Variants in JAG2 observed in about 807,000 individuals in gnomAD.
The protein encoded by JAG2 is protein jagged-2.
A neutral mutation model predicts 141.7 loss-of-function variants in JAG2; 46 were observed. The ratio of observed to expected loss-of-function variants is 0.32; its 90% CI spans 0.26 to 0.42. JAG2 has a LOEUF of 0.42. JAG2 is among the 10% of genes least tolerant of loss of function. The pLI is 1.00. For synonymous variants in JAG2, 862 were observed against 763.5 expected, an observed-to-expected ratio of 1.13 and a Z score of -2.13; for missense variants, 1,500 against 1,817.5, an observed-to-expected ratio of 0.83 and a Z score of 3.18.
intron 3 of JAG2, among the ~76,000 whole-genome samples, chr14:105,156,397 C>T (rs754209110): frequency 9.2e-5 from 14 of 152,134 alleles, no homozygotes; most frequent in South Asian, 2.1e-4. Context: ...GTCCAGCCCT[C>T]GACAGCACGG....
In JAG2 at chr14:105,145,914, C is replaced by T; in HGVS notation, c.2769G>A (p.Gln923=). The part of the protein sequence containing the change: ...LAGQPEALSA[Q]CPLGQRCLEK... ...CCAGGCACCTTTGCCCCAGTGGGCA[C>T]TGGGCGCTCAGGGCCTCGGGCTGGC... Residue 923 remains glutamine (Q), a synonymous_variant, in exon 23 of 26, where the codon CAG becomes CAA. Coordinates refer to ENST00000331782, the MANE Select transcript of JAG2 (RefSeq NM_002226.5). The T allele has an allele frequency of 6.4e-7, 1 of 1,572,060 alleles. No homozygotes were observed. The highest frequency in any genetic ancestry group is 8.6e-7 in the Non-Finnish European group (1 of 1,159,844).
chr14:105,143,219 C>T (rs369861512), intron 25 of JAG2, 49 bp from the exon 26 acceptor site: 9 of 1,556,962 alleles, frequency 5.8e-6, no homozygotes, highest in African/African-American at 2.7e-5. Flanking sequence ...TGGGCACCTG[C>T]GGGGCACTAG....
Position 105,142,421 on chromosome 14 carries a change from C to G in JAG2, c.*274G>C. On this transcript the variant is annotated 3_prime_UTR_variant, in exon 26 of 26. Coordinates refer to ENST00000331782, the MANE Select transcript of JAG2 (RefSeq NM_002226.5). ...CTACGATTTGGTGACGACGCAGACACCCTTTGCTCTCTCCTTTCATACAGC... is the reference window on the plus strand; with the variant it reads ...CTACGATTTGGTGACGACGCAGACAGCCTTTGCTCTCTCCTTTCATACAGC... 1 of 462,086 alleles carries G rather than the reference C, an allele frequency of 2.2e-6. No homozygotes were observed. 28.6% of individuals were successfully genotyped at this position (462,086 alleles called of 1,614,324 possible).
chr14:105,146,755 G>A, intron 20 of JAG2, 31 bp from the exon 21 acceptor site: 2 of 1,561,790 alleles, frequency 1.3e-6, no homozygotes, highest in Non-Finnish European at 1.8e-6. Context: ...GCTCAGTGCA[G>A]TGAGGCCAAC....
At chr14:105,156,025 A>C (rs587723912) in intron 3 of JAG2, 36 bp from the exon 4 acceptor site, 1 of 1,594,702 alleles carries the variant, frequency 6.3e-7, no homozygotes, top group African/African-American at 1.3e-5. Flanking sequence ...AGGCCAGAGA[A>C]ACCAGCCCGG....
rs1888417227 is a variant in JAG2 at position 105,151,213 on chromosome 14, C to CGCAGCCCCCGCAGCCCCCGCAGCCCCA, written c.1267+69_1267+70insTGGGGCTGCGGGGGCTGCGGGGGCTGC. On this transcript the variant is annotated intron_variant, in intron 9 of 25. Coordinates refer to ENST00000331782, the MANE Select transcript of JAG2 (RefSeq NM_002226.5). ...CAGCCCCAGCAGCCCCAGCAGCCCC[C>CGCAGCCCCCGCAGCCCCCGCAGCCCCA]GCAGCCCCAGCAGCCCCCGCAGCCC... 12 of 1,372,604 alleles carry CGCAGCCCCCGCAGCCCCCGCAGCCCCA rather than the reference C, an allele frequency of 8.7e-6. No individual in the cohort carries two copies. In the Admixed American group the frequency reaches 1.2e-4, roughly 13 times the overall value. The allele number at this position is 1,372,604 out of a possible 1,614,324, so 85.0% of individuals were successfully genotyped here. A position where few individuals can be genotyped will look rare whatever the true frequency, so the allele number is the denominator to read the frequency against.
Position 105,151,109 on chromosome 14 carries a change from GAA to G in JAG2, c.1268-7_1268-6del. The G allele has an allele frequency of 1.2e-6, 2 of 1,607,948 alleles. No homozygotes were observed. The highest frequency in any genetic ancestry group is 1.7e-6 in the Non-Finnish European group (2 of 1,177,526). ...TCCCTTCACACTCATTGGCGTCTGT[GAA>G]AGAGACAAGGTGGGAGCCGTGGGGC... On this transcript the variant is annotated splice_region_variant and splice_polypyrimidine_tract_variant and intron_variant, in intron 9 of 25. Transcript: ENST00000331782.
At chr14:105,163,301 C>T (rs1329563063) in intron 2 of JAG2, among the ~76,000 whole-genome samples, 3 of 152,168 alleles carry the variant, frequency 2.0e-5, no homozygotes, top group Admixed American at 6.5e-5. Context: ...GCCCCAGGGC[C>T]GCAGCAGGAG....
chr14:105,150,228 G>T (rs1193977226), intron 12 of JAG2, among the ~76,000 whole-genome samples: 1 of 151,940 alleles, frequency 6.6e-6, no homozygotes, highest in Admixed American at 6.6e-5. Flanking sequence ...ACTCACCTAT[G>T]ACAGGTGTAT....
In JAG2 at chr14:105,142,495, C is replaced by T; in HGVS notation, c.*200G>A. ...CAAAAATAGCAACTATCCGAGAATA[C>T]TCCATTGTTTTCAGCCTGACAGTTA... On this transcript the variant is annotated 3_prime_UTR_variant, in exon 26 of 26. Transcript: ENST00000331782. 2 of 585,314 alleles carry T rather than the reference C, an allele frequency of 3.4e-6. No individual in the cohort carries two copies. Among genetic ancestry groups the T allele is most frequent in the Non-Finnish European group, 6.1e-6 (2 of 330,214 alleles). 36.3% of individuals were successfully genotyped at this position (585,314 alleles called of 1,614,324 possible).
intron 2 of JAG2, among the ~76,000 whole-genome samples, chr14:105,160,358 C>T (rs1471571768): frequency 1.8e-5 from 2 of 110,740 alleles, no homozygotes; most frequent in Non-Finnish European, 3.7e-5. Context: ...ACCACCCTCG[C>T]AGCTGCACCT....
intron 2 of JAG2, among the ~76,000 whole-genome samples, chr14:105,162,737 C>T (rs1332314258): frequency 7.1e-6 from 1 of 139,874 alleles, no homozygotes; most frequent in Admixed American, 6.9e-5. Context: ...AGATCCAGTA[C>T]ACCCCACAGC....
intron 2 of JAG2, among the ~76,000 whole-genome samples, chr14:105,162,286 C>G (rs912334630): frequency 3.3e-5 from 5 of 152,034 alleles, no homozygotes; most frequent in Non-Finnish European, 5.9e-5. Flanking sequence ...CCTGACCCAC[C>G]CCCACCGCAC....
chr14:105,167,909 T>G lies in JAG2; in HGVS notation c.265A>C (p.Ser89Arg). The G allele has an allele frequency of 6.3e-7, 1 of 1,594,416 alleles. No homozygotes were observed. Among genetic ancestry groups the G allele is most frequent in the East Asian group, 2.3e-5 (1 of 43,528 alleles). Residue 89 changes from serine (S) to arginine (R), a missense_variant, in exon 2 of 26, where the codon AGC becomes CGC. Physicochemically the swap from Ser to Arg is moderately radical, Grantham distance 110. This residue lies in a region of JAG2 where 200 missense variants were observed against 174.3 expected (regional missense o/e 1.15). Transcript: ENST00000331782. This position sits in a 1 kb window ranked among gnomAD's most constrained non-coding sequence, Gnocchi z 4.8. The part of the protein sequence containing the change: ...QAKVTPTGPC[S>R]YGHGATPVLG... Reference sequence around the variant, plus strand: ...ACGGGCGTGGCGCCGTGGCCGTAGCTGCAGGGCCCCGTGGGCGTCACCTTG... The same window carrying G: ...ACGGGCGTGGCGCCGTGGCCGTAGCGGCAGGGCCCCGTGGGCGTCACCTTG...
rs756949938 is a variant in JAG2 at position 105,148,260 on chromosome 14, G to A, written c.2135-31C>T. 4.5e-6 allele frequency: 7 copies of A among 1,572,048 alleles called. No homozygotes were observed. In the African/African-American group the frequency reaches 9.5e-5, roughly 21 times the overall value. ...GGCACATGGGCCGCTCAGCAGGCAG[G>A]CCCCAGACCGCCAGGGCCAGGGTCC... On this transcript the variant is annotated intron_variant, in intron 16 of 25. Coordinates refer to ENST00000331782, the MANE Select transcript of JAG2 (RefSeq NM_002226.5).
intron 17 of JAG2, 107 bp from the exon 18 acceptor site, chr14:105,147,995 G>T: frequency 8.8e-7 from 1 of 1,134,422 alleles, no homozygotes; most frequent in Non-Finnish European, 1.3e-6. Flanking sequence ...CGGGGGCAGG[G>T]GGCAGGGGGC....
Position 105,143,048 on chromosome 14 carries a change from C to A in JAG2, c.3364G>T (p.Glu1122Ter). 1 of 1,603,460 alleles carries A rather than the reference C, an allele frequency of 6.2e-7. No individual in the cohort carries two copies. The highest frequency in any genetic ancestry group is 8.5e-7 in the Non-Finnish European group (1 of 1,179,660). Residue 1122 changes from glutamate to a stop codon, truncating the protein, a stop_gained, in exon 26 of 26, where the codon GAG (glutamate) becomes TAG (stop). Transcript: ENST00000331782. LOFTEE classifies it low-confidence loss of function (END_TRUNC). ...GGGGCCCACTGGTTGTTGGCGCTCT[C>A]CTCCCGCGGCAGCCGGCTCCTCTCC... is the stretch of plus-strand genomic sequence containing the variant. ...ERERSRLPRE[E>*]SANNQWAPLN...
intron 2 of JAG2, among the ~76,000 whole-genome samples, chr14:105,165,981 G>C (rs751324404): frequency 5.9e-5 from 9 of 152,216 alleles, no homozygotes; most frequent in Non-Finnish European, 1.2e-4. Flanking sequence ...TGGCATCACG[G>C]CACAGCTCCC....
At chr14:105,151,453 C>A in intron 8 of JAG2, 57 bp from the exon 9 acceptor site, 1 of 1,520,974 alleles carries the variant, frequency 6.6e-7, no homozygotes, top group Non-Finnish European at 9.0e-7. Flanking sequence ...GAATAAGGTC[C>A]CCATGGGCAG....
Sources: gnomAD v4.1 joint callset for allele counts (sites outside exome capture counted in the v4.1 genomes callset) on GRCh38, gnomAD v4.1.1 for gene constraint, gnomAD v4.1.1 regional missense constraint, Gnocchi (gnomAD v3.1) non-coding constraint, MANE v1.5 for transcripts, NCBI Gene and HGNC (gene_info 2026-07-23, HGNC 2026-07-21) for gene names.